The following LRRC4C variants were observed in gnomAD, a reference collection of about 807,000 sequenced individuals.
LRRC4C encodes the protein leucine rich repeat containing 4C, also known as leucine-rich repeat-containing protein 4C.
A neutral mutation model predicts 33.6 loss-of-function variants in LRRC4C; 5 were observed. The observed-to-expected ratio is 0.15, with a 90% CI of 0.08 to 0.31. The LOEUF (loss-of-function observed/expected upper bound fraction) is 0.31. Among genes scored for constraint, LRRC4C ranks in the 10% least tolerant of loss-of-function variants. LRRC4C has a pLI of 1.00. For missense variants in LRRC4C, 560 were observed against 796.7 expected (o/e 0.70, Z 3.58); for synonymous variants, 329 against 302.0 (o/e 1.09, Z -0.93).
intron 4 of LRRC4C, among the ~76,000 whole-genome samples, chr11:40,270,783 C>T (rs1221393564): frequency 6.6e-6 from 1 of 152,154 alleles, no homozygotes; most frequent in Non-Finnish European, 1.5e-5. Context: ...TAAACAAAAA[C>T]TTCTGCTACC....
intron 3 of LRRC4C, among the ~76,000 whole-genome samples, chr11:40,505,206 A>T (rs1009264911): frequency 6.6e-6 from 1 of 152,146 alleles, no homozygotes; most frequent in Admixed American, 6.6e-5. Context: ...GGTTAGGCAG[A>T]CATTTAAAGC....
intron 5 of LRRC4C, among the ~76,000 whole-genome samples, chr11:40,213,371 T>G (rs1240541779): frequency 6.6e-6 from 1 of 152,188 alleles, no homozygotes; most frequent in Admixed American, 6.5e-5. Flanking sequence ...GGATATGTTG[T>G]GTGACCATCA....
At chr11:40,218,222 T>G (rs983166745) in intron 5 of LRRC4C, among the ~76,000 whole-genome samples, 1 of 152,192 alleles carries the variant, frequency 6.6e-6, no homozygotes, top group Non-Finnish European at 1.5e-5. Flanking sequence ...TAATTCTCAT[T>G]AATTTTACAG....
intron 1 of LRRC4C, among the ~76,000 whole-genome samples, chr11:41,218,380 A>G (rs1947155351): frequency 6.6e-6 from 1 of 152,198 alleles, no homozygotes; most frequent in Admixed American, 6.5e-5. Context: ...CCTCCATTCT[A>G]GTTACCTTTG....
At chr11:41,366,882 CA>C (rs1292616786) in intron 1 of LRRC4C, among the ~76,000 whole-genome samples, 5 of 152,088 alleles carry the variant, frequency 3.3e-5, no homozygotes, top group African/African-American at 1.2e-4. Flanking sequence ...TTCTTTAAGC[CA>C]CCTAGACTCT....
intron 1 of LRRC4C, among the ~76,000 whole-genome samples, chr11:41,130,033 T>C (rs757552737): frequency 5.3e-5 from 8 of 151,990 alleles, no homozygotes; most frequent in Admixed American, 3.3e-4. Context: ...GACTAGATCC[T>C]CTTGACTGAG....
chr11:40,898,353 C>CAAAAAAAAAA (rs765252333), intron 2 of LRRC4C, among the ~76,000 whole-genome samples: 5 of 38,370 alleles, frequency 1.3e-4, no homozygotes, highest in African/African-American at 4.2e-4. Context: ...AACTCCATCT[C>CAAAAAAAAAA]AAAAAAAAAA....
intron 2 of LRRC4C, among the ~76,000 whole-genome samples, chr11:40,677,937 C>G (rs1944483810): frequency 1.3e-5 from 2 of 151,992 alleles, no homozygotes; most frequent in Admixed American, 1.3e-4. Context: ...GGCACATAAA[C>G]CAGGAATGAT....
chr11:40,631,099 C>T (rs1018502209), intron 3 of LRRC4C, among the ~76,000 whole-genome samples: 1 of 152,210 alleles, frequency 6.6e-6, no homozygotes, highest in Admixed American at 6.5e-5. Flanking sequence ...CCTAATTCAT[C>T]TCCTGAATGT....
chr11:40,326,346 G>A (rs1051411707), intron 3 of LRRC4C, among the ~76,000 whole-genome samples: 2 of 151,900 alleles, frequency 1.3e-5, no homozygotes, highest in Admixed American at 1.3e-4. Context: ...GGTGGATCAC[G>A]AGGTCAGAAG....
At chr11:40,812,040 A>G (rs1462346025) in intron 2 of LRRC4C, among the ~76,000 whole-genome samples, 1 of 152,162 alleles carries the variant, frequency 6.6e-6, no homozygotes, top group East Asian at 1.9e-4. Context: ...TTCACTTATC[A>G]TCCTTCTCTC....
chr11:40,895,644 C>A (rs1955906080), intron 2 of LRRC4C, among the ~76,000 whole-genome samples: 1 of 152,088 alleles, frequency 6.6e-6, no homozygotes, highest in Admixed American at 6.6e-5. Flanking sequence ...ACCCAAGTCT[C>A]TAAAAAATAT....
intron 1 of LRRC4C, among the ~76,000 whole-genome samples, chr11:41,383,055 C>T (rs1370226211): frequency 6.6e-6 from 1 of 152,012 alleles, no homozygotes; most frequent in Non-Finnish European, 1.5e-5. Flanking sequence ...TGGAATGTGA[C>T]TCTATATCAA....
intron 1 of LRRC4C, among the ~76,000 whole-genome samples, chr11:41,047,021 T>G (rs1299369186): frequency 6.6e-6 from 1 of 152,112 alleles, no homozygotes; most frequent in Non-Finnish European, 1.5e-5. Context: ...AATTAGGCTT[T>G]ATCAAAATTA....
chr11:41,043,367 T>C (rs1182372511), intron 1 of LRRC4C, among the ~76,000 whole-genome samples: 1 of 152,152 alleles, frequency 6.6e-6, no homozygotes, highest in Non-Finnish European at 1.5e-5. Context: ...CAGATGCTGA[T>C]TGTGGCTAAG....
At chr11:41,429,584 A>G (rs1167913080) in intron 1 of LRRC4C, among the ~76,000 whole-genome samples, 2 of 152,130 alleles carry the variant, frequency 1.3e-5, no homozygotes, top group Non-Finnish European at 2.9e-5. Context: ...TGTGGGAACA[A>G]TGGCTGAGGA....
At chr11:40,539,269 C>A (rs1956605352) in intron 3 of LRRC4C, among the ~76,000 whole-genome samples, 1 of 152,222 alleles carries the variant, frequency 6.6e-6, no homozygotes, top group South Asian at 2.1e-4. Context: ...ATTTTTATGT[C>A]CAGTTTGTCT....
At chr11:41,005,478 C>A (rs1405587866) in intron 1 of LRRC4C, among the ~76,000 whole-genome samples, 1 of 152,130 alleles carries the variant, frequency 6.6e-6, no homozygotes, top group Non-Finnish European at 1.5e-5. Context: ...GTGGCACATG[C>A]CTGTAATCCC....
At chr11:40,413,372 G>A (rs114124203) in intron 3 of LRRC4C, among the ~76,000 whole-genome samples, 2 of 151,996 alleles carry the variant, frequency 1.3e-5, no homozygotes, top group African/African-American at 4.8e-5. Context: ...GCTGCCCTAA[G>A]TCTTCCCTGC....
Sources: allele counts gnomAD v4.1 joint callset (sites outside exome capture counted in the v4.1 genomes callset), GRCh38; gene constraint gnomAD v4.1.1; transcripts MANE v1.5; gene names NCBI Gene and HGNC (gene_info 2026-07-23, HGNC 2026-07-21).